URI1: variants seen among roughly 807,000 people sequenced by gnomAD.
URI1 encodes URI1 prefoldin like chaperone.
A neutral mutation model predicts 60.2 loss-of-function variants in URI1; 39 were observed. The observed-to-expected ratio is 0.65, with a 90% CI of 0.50 to 0.85. The LOEUF (loss-of-function observed/expected upper bound fraction) is 0.85, where lower values mean the gene tolerates loss of function less well. URI1 is among the 40% of genes least tolerant of loss of function. The pLI is 0.00. For synonymous variants in URI1, 251 were observed against 236.8 expected, an observed-to-expected ratio of 1.06 and a Z score of -0.55; for missense variants, 691 against 665.9, an observed-to-expected ratio of 1.04 and a Z score of -0.42.
intron 1 of URI1, among the ~76,000 whole-genome samples, chr19:29,935,396 T>A (rs2054960118): frequency 6.6e-6 from 1 of 152,196 alleles, no homozygotes; most frequent in Non-Finnish European, 1.5e-5. Flanking sequence ...GTTTCATGCA[T>A]TTGCCCTTTA....
chr19:29,950,113 T>C (rs1243714877), intron 1 of URI1, among the ~76,000 whole-genome samples: 2 of 152,250 alleles, frequency 1.3e-5, no homozygotes, highest in African/African-American at 4.8e-5. Context: ...ATTGTGCCAG[T>C]AATGTGCCAT....
At chr19:29,957,712 G>A (rs2055267309) in intron 1 of URI1, among the ~76,000 whole-genome samples, 1 of 151,986 alleles carries the variant, frequency 6.6e-6, no homozygotes, top group Non-Finnish European at 1.5e-5. Flanking sequence ...TCTAAAGATC[G>A]GTTTGAGGAG....
chr19:29,942,830 A>G (rs1440494810), intron 1 of URI1, among the ~76,000 whole-genome samples, 166 bp downstream of exon 1: 2 of 152,028 alleles, frequency 1.3e-5, no homozygotes, highest in African/African-American at 4.8e-5. Context: ...CAGCCCTTTG[A>G]CTTCGCAGCG....
At chr19:29,992,624 AG>A (rs1441415109) in intron 4 of URI1, among the ~76,000 whole-genome samples, 1 of 152,216 alleles carries the variant, frequency 6.6e-6, no homozygotes, top group African/African-American at 2.4e-5. Context: ...GTTACAAATT[AG>A]GGATTAATGT....
At chr19:29,949,095 G>A (rs1441527120) in intron 1 of URI1, among the ~76,000 whole-genome samples, 1 of 150,878 alleles carries the variant, frequency 6.6e-6, no homozygotes, top group Non-Finnish European at 1.5e-5. Context: ...GGGCGGAGAC[G>A]CTCCTCACTT....
Position 30,015,044 on chromosome 19 carries a change from C to A in URI1, c.1583C>A (p.Ala528Asp), listed in dbSNP as rs1367816271. Residue 528 changes from alanine (A) to aspartate (D), a missense_variant, in exon 11 of 11, where the codon GCT (alanine) becomes GAT (aspartate). Coordinates refer to ENST00000392271, the MANE Select transcript of URI1 (RefSeq NM_003796.3). Reference protein sequence around the residue: ...ETGKRVSKFKAARLQQKD With the variant: ...ETGKRVSKFKDARLQQKD ...GGAAAGAGGGTTTCAAAGTTTAAAG[C>A]TGCCAGATTGCAACAGAAAGACTAG... 1 of 1,613,486 alleles carries A rather than the reference C, an allele frequency of 6.2e-7. No homozygotes were observed. The highest frequency in any genetic ancestry group is 1.1e-5 in the South Asian group (1 of 91,034).
At chr19:30,012,802 G>C (rs1271971802) in intron 10 of URI1, 1 of 287,116 alleles carries the variant, frequency 3.5e-6, no homozygotes, top group African/African-American at 2.2e-5. Context: ...TACATTTGTA[G>C]CTAGGAAATT....
intron 1 of URI1, among the ~76,000 whole-genome samples, chr19:29,924,331 G>A (rs1422849976): frequency 6.6e-6 from 1 of 152,130 alleles, no homozygotes; most frequent in African/African-American, 2.4e-5. Context: ...CTGGGTGCTT[G>A]CGGACTCACC....
intron 1 of URI1, among the ~76,000 whole-genome samples, 178 bp downstream of exon 1, chr19:29,942,842 A>C (rs929458310): frequency 2.0e-5 from 3 of 151,872 alleles, no homozygotes; most frequent in African/African-American, 7.3e-5. Context: ...TTCGCAGCGG[A>C]GTGAGGGGTG....
intron 4 of URI1, among the ~76,000 whole-genome samples, chr19:29,991,744 A>T (rs534286844): frequency 3.1e-3 from 477 of 152,226 alleles, no homozygotes; most frequent in African/African-American, 0.011. Flanking sequence ...TAGGTTTTTT[A>T]AAAAAATTAA....
chr19:30,009,412 TA>T lies in URI1; in HGVS notation c.1035+60del. ...ATAATTTGAACATTAAGCATTATGATATTTTTTAGAAGAGCAATATTAACAA... is the reference window on the plus strand; with the variant it reads ...ATAATTTGAACATTAAGCATTATGATTTTTTTAGAAGAGCAATATTAACAA... On this transcript the variant is annotated intron_variant, in intron 8 of 10. Transcript: ENST00000392271. 5 of 1,435,974 alleles carry T rather than the reference TA, an allele frequency of 3.5e-6. 1 individual carries two copies. In the Middle Eastern group the frequency reaches 7.3e-4, roughly 208 times the overall value. The allele number at this position is 1,435,974 out of a possible 1,614,324, so 89.0% of individuals were successfully genotyped here.
At chr19:29,978,514 GTAACATCCAATAAAACTC>G (rs528157624) in intron 2 of URI1, among the ~76,000 whole-genome samples, 529 of 152,054 alleles carry the variant, frequency 3.5e-3, no homozygotes, top group South Asian at 6.6e-3. Context: ...TTTATGAAGA[GTAACATCCAATAAAACTC>G]TTAAGCACAG....
intron 1 of URI1, among the ~76,000 whole-genome samples, chr19:29,945,158 A>G (rs995568741): frequency 6.6e-6 from 1 of 152,208 alleles, no homozygotes; most frequent in Admixed American, 6.5e-5. Context: ...GACTGTTCTC[A>G]GTTTTCCCTG....
At chr19:29,951,805 C>T (rs1322565385) in intron 1 of URI1, among the ~76,000 whole-genome samples, 1 of 152,232 alleles carries the variant, frequency 6.6e-6, no homozygotes, top group East Asian at 1.9e-4. Flanking sequence ...GCCTTGGCCT[C>T]CCAAAGTGCT....
At chr19:30,002,928 A>G (rs545532789) in intron 4 of URI1, among the ~76,000 whole-genome samples, 2 of 152,066 alleles carry the variant, frequency 1.3e-5, no homozygotes, top group South Asian at 2.1e-4. Context: ...CAACTTAGCC[A>G]TGTTTGGAGC....
Position 30,009,109 on chromosome 19 carries a change from C to G in URI1, c.791C>G (p.Ser264Cys). 2 of 1,613,998 alleles carry G rather than the reference C, an allele frequency of 1.2e-6. No homozygotes were observed. The highest frequency in any genetic ancestry group is 1.7e-6 in the Non-Finnish European group (2 of 1,179,964). ...AATGCGATGCATCAAGTAACAGACT[C>G]TCATACTCCTTGTCATAAGGATGTT... Reference protein sequence around the residue: ...NVNAMHQVTDSHTPCHKDVAS... With the variant: ...NVNAMHQVTDCHTPCHKDVAS... Residue 264 changes from serine (S) to cysteine (C), a missense_variant, in exon 8 of 11, where the codon TCT (serine) becomes TGT (cysteine). Ser to Cys is a moderately radical substitution (Grantham distance 112, BLOSUM62 -1). Coordinates refer to ENST00000392271, the MANE Select transcript of URI1 (RefSeq NM_003796.3).
At chr19:29,958,235 G>GT (rs895183089) in intron 1 of URI1, among the ~76,000 whole-genome samples, 13 of 151,588 alleles carry the variant, frequency 8.6e-5, no homozygotes, top group African/African-American at 2.4e-4. Flanking sequence ...GTTTTGTTTT[G>GT]TTTTTTGCCC....
chr19:29,997,164 G>A (rs1419545348), intron 4 of URI1, among the ~76,000 whole-genome samples: 1 of 152,046 alleles, frequency 6.6e-6, no homozygotes, highest in African/African-American at 2.4e-5. Context: ...TTGAATGTTT[G>A]GTAGAATTCA....
upstream of URI1, chr19:29,942,129 C>T (rs922050713): frequency 1.4e-5 from 11 of 805,394 alleles, no homozygotes; most frequent in African/African-American, 2.0e-4. Context: ...CCAGCCCCAG[C>T]CACGCGGTTC....
Sources: allele counts gnomAD v4.1 joint callset (sites outside exome capture counted in the v4.1 genomes callset), GRCh38; gene constraint gnomAD v4.1.1; transcripts MANE v1.5; gene names NCBI Gene and HGNC (gene_info 2026-07-23, HGNC 2026-07-21).